GRM7: variants seen among roughly 807,000 people sequenced by gnomAD.
GRM7 encodes glutamate metabotropic receptor 7.
A neutral mutation model predicts 84.5 loss-of-function variants in GRM7; 35 were observed. That is an observed-to-expected ratio of 0.41 (90% CI 0.32 to 0.55). GRM7 has a LOEUF of 0.55. Among genes scored for constraint, GRM7 ranks in the 20% least tolerant of loss-of-function variants. GRM7 has a pLI of 0.19. For synonymous variants in GRM7, 487 were observed against 455.1 expected, an observed-to-expected ratio of 1.07 and a Z score of -0.89; for missense variants, 1,003 against 1,194.6, an observed-to-expected ratio of 0.84 and a Z score of 2.36.
chr3:7,739,185 C>T (rs1702607336), intron 9 of GRM7, among the ~76,000 whole-genome samples: 1 of 152,110 alleles, frequency 6.6e-6, no homozygotes, highest in African/African-American at 2.4e-5. Context: ...AAAAGAAGAC[C>T]AGGCTTGTTG....
At chr3:7,535,118 G>T (rs1701193521) in intron 7 of GRM7, 1 of 152,022 alleles carries the variant, frequency 6.6e-6, no homozygotes, top group Non-Finnish European at 1.5e-5. Flanking sequence ...TTTTTAAAGT[G>T]GGAAAATATT....
intron 1 of GRM7, among the ~76,000 whole-genome samples, chr3:7,030,663 G>A (rs1696153837): frequency 6.6e-6 from 1 of 152,032 alleles, no homozygotes; most frequent in African/African-American, 2.4e-5. Context: ...GGAAATCACC[G>A]GCTTTAGGAG....
intron 1 of GRM7, among the ~76,000 whole-genome samples, chr3:7,005,639 T>C (rs1036099492): frequency 6.6e-6 from 1 of 152,218 alleles, no homozygotes; most frequent in South Asian, 2.1e-4. Flanking sequence ...ATTTTAGATA[T>C]TGATAGTTAG....
intron 8 of GRM7, among the ~76,000 whole-genome samples, chr3:7,594,775 C>A (rs1695958422): frequency 6.6e-6 from 1 of 152,102 alleles, no homozygotes; most frequent in Non-Finnish European, 1.5e-5. Flanking sequence ...TCTGCAGGCT[C>A]TTCTTAAAGC....
chr3:7,087,413 A>G (rs1355897611), intron 1 of GRM7, among the ~76,000 whole-genome samples: 1 of 148,634 alleles, frequency 6.7e-6, no homozygotes, highest in African/African-American at 2.5e-5. Flanking sequence ...TTTTACCCCA[A>G]CCGAAAAATT....
chr3:7,652,977 A>G (rs1278834981), intron 8 of GRM7, among the ~76,000 whole-genome samples: 1 of 152,130 alleles, frequency 6.6e-6, no homozygotes, highest in East Asian at 1.9e-4. Context: ...ATCCCTGTTG[A>G]ACCATAGGGT....
intron 1 of GRM7, chr3:6,956,729 G>T: frequency 2.3e-6 from 1 of 442,952 alleles, no homozygotes; most frequent in South Asian, 1.6e-5. Flanking sequence ...ACAATTGAGT[G>T]TTCCGTTGTA....
intron 5 of GRM7, among the ~76,000 whole-genome samples, chr3:7,439,665 G>C (rs946329970): frequency 1.3e-5 from 2 of 152,146 alleles, no homozygotes; most frequent in African/African-American, 4.8e-5. Context: ...AAACAAATTA[G>C]AGAATGCAAG....
rs1055345234 is a variant in GRM7 at position 6,861,821 on chromosome 3, G to A, written c.433G>A (p.Val145Ile). 6.2e-7 allele frequency: 1 copy of A among 1,614,176 alleles called. No individual in the cohort carries two copies. The highest frequency in any genetic ancestry group is 1.1e-5 in the South Asian group (1 of 91,088). ...CACCAACGGCGAACCGCCGGTTTTC[G>A]TCAAGCCGGAGAAAGTAGTTGGAGT... ...RCTNGEPPVF[V>I]KPEKVVGVIG... is the part of the protein sequence containing the mutation. The change falls in exon 1 of 10, where the codon GTC (valine) becomes ATC (isoleucine). Residue 145 changes from valine (V) to isoleucine (I), a missense_variant. Physicochemically the swap from Val to Ile is conservative, Grantham distance 29 (BLOSUM62 3). Around this residue, in one of 2 missense-constraint regions of GRM7, gnomAD observed 910 missense variants for 1,126.0 expected, o/e 0.81. Coordinates refer to ENST00000357716, the MANE Select transcript of GRM7 (RefSeq NM_000844.4). This position sits in a 1 kb window ranked among gnomAD's most constrained non-coding sequence, Gnocchi z 6.4.
rs894854001 is a variant in GRM7, at chr3:6,942,034, G to T, written c.519+80127G>T. Among the ~76,000 whole-genome samples, 4 of 152,274 alleles carry T rather than the reference G, an allele frequency of 2.6e-5. No homozygotes were observed. The East Asian group carries it at 7.7e-4, about 29-fold the overall frequency. On this transcript the variant is annotated intron_variant, in intron 1 of 9. Coordinates refer to ENST00000357716, the MANE Select transcript of GRM7 (RefSeq NM_000844.4). ...CATGCAAAACTTTCCAATAAAGGTT[G>T]TAATATTGAAGGGTAAATCCAAGTG...
At chr3:7,517,158 C>A (rs1171503896) in intron 7 of GRM7, among the ~76,000 whole-genome samples, 1 of 152,156 alleles carries the variant, frequency 6.6e-6, no homozygotes, top group Non-Finnish European at 1.5e-5. Flanking sequence ...CACACTGACA[C>A]CCCAAATGTC....
At chr3:7,191,217 T>A (rs551098617) in intron 2 of GRM7, among the ~76,000 whole-genome samples, 4 of 152,232 alleles carry the variant, frequency 2.6e-5, no homozygotes, top group African/African-American at 9.6e-5. Flanking sequence ...TTTTACCTCA[T>A]CCTTCACTCC....
intron 4 of GRM7, among the ~76,000 whole-genome samples, chr3:7,359,916 T>C (rs1183383744): frequency 2.0e-5 from 3 of 148,394 alleles, no homozygotes; most frequent in Non-Finnish European, 4.4e-5. Context: ...AGGTTTCTAA[T>C]TACTGAGAAG....
At chr3:7,433,280 A>G (rs943608607) in intron 5 of GRM7, among the ~76,000 whole-genome samples, 4 of 152,188 alleles carry the variant, frequency 2.6e-5, no homozygotes, top group Non-Finnish European at 4.4e-5. Context: ...GTGTTTGCAC[A>G]TGAGTTATTT....
chr3:6,909,264 G>A (rs1230200550), intron 1 of GRM7, among the ~76,000 whole-genome samples: 1 of 152,204 alleles, frequency 6.6e-6, no homozygotes, highest in East Asian at 1.9e-4. Flanking sequence ...TTACTACTAA[G>A]CCTGCCCTTT....
At chr3:7,173,822 T>A (rs987614016) in intron 2 of GRM7, among the ~76,000 whole-genome samples, 6 of 152,222 alleles carry the variant, frequency 3.9e-5, no homozygotes, top group African/African-American at 1.4e-4. Context: ...AGTTTCCTCT[T>A]TAATAGCTTA....
At chr3:7,211,445 A>T (rs1696424460) in intron 2 of GRM7, among the ~76,000 whole-genome samples, 1 of 152,178 alleles carries the variant, frequency 6.6e-6, no homozygotes, top group Non-Finnish European at 1.5e-5. Context: ...TTGATGGATC[A>T]TCTAGGGTTC....
intron 2 of GRM7, among the ~76,000 whole-genome samples, chr3:7,282,874 T>C (rs1699302838): frequency 6.6e-6 from 1 of 152,188 alleles, no homozygotes; most frequent in African/African-American, 2.4e-5. Context: ...ATTTGAAAAA[T>C]GTGGACCAGA....
intron 1 of GRM7, among the ~76,000 whole-genome samples, chr3:6,966,618 G>C (rs1302849558): frequency 6.6e-6 from 1 of 152,142 alleles, no homozygotes; most frequent in East Asian, 1.9e-4. Context: ...TTAAAAGATG[G>C]AAAGGCCTAT....
Sources: gnomAD v4.1 joint callset for allele counts (sites outside exome capture counted in the v4.1 genomes callset) on GRCh38, gnomAD v4.1.1 for gene constraint, gnomAD v4.1.1 regional missense constraint, Gnocchi (gnomAD v3.1) non-coding constraint, MANE v1.5 for transcripts, NCBI Gene and HGNC (gene_info 2026-07-23, HGNC 2026-07-21) for gene names.